Variants in SMC2 observed in about 807,000 individuals in gnomAD.
SMC2 encodes structural maintenance of chromosomes 2, also known as structural maintenance of chromosomes protein 2.
Under a neutral mutation model 142.6 loss-of-function variants are expected in SMC2, and 41 were observed. The observed-to-expected ratio is 0.29, with a 90% CI of 0.22 to 0.37. The LOEUF is 0.37. SMC2 is among the 10% of genes least tolerant of loss of function. SMC2 has a pLI of 1.00. For missense variants in SMC2, 1,265 were observed against 1,373.7 expected (o/e 0.92, Z 1.25); for synonymous variants, 463 against 457.5 (o/e 1.01, Z -0.15).
At chr9:104,136,734 T>G (rs2131574589) in intron 23 of SMC2, among the ~76,000 whole-genome samples, 1 of 151,938 alleles carries the variant, frequency 6.6e-6, no homozygotes, top group East Asian at 1.9e-4. Flanking sequence ...TGTGATTTGG[T>G]TTTGATGATA....
At chr9:104,102,347 A>T in intron 8 of SMC2, 77 bp from the exon 9 acceptor site, 2 of 1,363,364 alleles carry the variant, frequency 1.5e-6, no homozygotes, top group Non-Finnish European at 2.0e-6. Flanking sequence ...AAAGTGTTTG[A>T]TACAGAACTC....
Position 104,135,828 on chromosome 9 carries a change from A to T in SMC2, c.3269+1253A>T, listed in dbSNP as rs755789565. 3 of 518,704 alleles carry T rather than the reference A, an allele frequency of 5.8e-6. No homozygotes were observed. In the Admixed American group the frequency reaches 5.8e-5, roughly 10 times the overall value. The allele number at this position is 518,704 out of a possible 1,614,324, so 32.1% of individuals were successfully genotyped here. A position where few individuals can be genotyped will look rare whatever the true frequency, so the allele number is the denominator to read the frequency against. Reference sequence around the variant, plus strand: ...CAACTTAGAATTGTATATCTAACAGAAATATTCTTCAAATTGAAGGCAATA... The same window carrying T: ...CAACTTAGAATTGTATATCTAACAGTAATATTCTTCAAATTGAAGGCAATA... On this transcript the variant is annotated intron_variant, in intron 23 of 24. Transcript: ENST00000374793.
chr9:104,097,505 G>T (rs1484381358), intron 3 of SMC2, among the ~76,000 whole-genome samples: 3 of 103,110 alleles, frequency 2.9e-5, no homozygotes, highest in African/African-American at 3.9e-5. Flanking sequence ...GAAGCCTCTG[G>T]TTGAAAAAAA....
chr9:104,114,041 G>A lies in SMC2; in HGVS notation c.1492G>A (p.Ala498Thr), dbSNP rs780909705. The A allele has an allele frequency of 7.5e-6, 12 of 1,598,412 alleles. No individual in the cohort carries two copies. The East Asian group carries it at 2.5e-4, about 33-fold the overall frequency. ...DIGRLKETYE[A>T]LLARFPNLRF... is the part of the protein sequence containing the mutation. ...TGGTAGATTGAAAGAAACATATGAA[G>A]CTCTATTAGCCAGATTTCCCAATCT... The change falls in exon 12 of 25, where the codon GCT becomes ACT. Residue 498 changes from alanine to threonine, a missense_variant. By Grantham distance (58) the Ala-to-Thr change is moderately conservative. Coordinates refer to ENST00000374793, the MANE Select transcript of SMC2 (RefSeq NM_006444.3).
intron 9 of SMC2, among the ~76,000 whole-genome samples, chr9:104,110,000 C>T (rs1237278130): frequency 2.0e-5 from 3 of 152,146 alleles, no homozygotes; most frequent in African/African-American, 7.2e-5. Context: ...TTGTAGCCAC[C>T]TCCTGTTGCT....
At chr9:104,106,411 G>A (rs372745218) in intron 9 of SMC2, among the ~76,000 whole-genome samples, 15 of 151,778 alleles carry the variant, frequency 9.9e-5, no homozygotes, top group Admixed American at 2.0e-4. Context: ...TTTTTGAGAC[G>A]GAGTTTCACT....
chr9:104,114,115 A>G (rs968423820), intron 12 of SMC2, 34 bp downstream of exon 12: 16 of 1,232,518 alleles, frequency 1.3e-5, no homozygotes, highest in Non-Finnish European at 1.7e-5. Context: ...TTAACATAGT[A>G]ATAATCAAGA....
At chr9:104,126,423 T>A (rs1432650047) in intron 18 of SMC2, among the ~76,000 whole-genome samples, 1 of 152,088 alleles carries the variant, frequency 6.6e-6, no homozygotes, top group East Asian at 2.0e-4. Context: ...GCAGAGTTCT[T>A]TGAACCTATA....
At chr9:104,117,931 T>C (rs77531985) in intron 14 of SMC2, among the ~76,000 whole-genome samples, 8,642 of 152,256 alleles carry the variant, frequency 0.057, 658 homozygotes, top group African/African-American at 0.18. Flanking sequence ...TTCATAATGC[T>C]CCATACTAGC....
At position 104,134,003 on chromosome 9, in the gene SMC2, G is replaced by GT. The variant is rs548468494; in HGVS notation, c.3109-404dup. On this transcript the variant is annotated intron_variant, in intron 22 of 24. Coordinates refer to ENST00000374793, the MANE Select transcript of SMC2 (RefSeq NM_006444.3). Reference sequence around the variant, plus strand: ...TTTTTTGTTTGCTTCTCTATTTTGTGTTTTTTTTCCTCATGTGATACAATT... The same window carrying GT: ...TTTTTTGTTTGCTTCTCTATTTTGTGTTTTTTTTTCCTCATGTGATACAATT... Among the ~76,000 whole-genome samples, 51 of 151,702 alleles carry GT rather than the reference G, an allele frequency of 3.4e-4. 1 individual carries two copies. Among genetic ancestry groups the GT allele is most frequent in the East Asian group, 1.7e-3 (9 of 5,190 alleles).
Position 104,094,470 on chromosome 9 carries a change from A to G in SMC2, c.-69A>G, listed in dbSNP as rs1381164372. 6.7e-6 allele frequency: 2 copies of G among 297,820 alleles called. No homozygotes were observed. The highest frequency in any genetic ancestry group is 1.6e-4 in the East Asian group (2 of 12,404). The allele number at this position is 297,820 out of a possible 1,614,324, so 18.4% of individuals were successfully genotyped here. Reference sequence around the variant, plus strand: ...TGGGGTGCGTCAAGCCCCTGGCCTGAGGCAGCGGTGAGGCGTGTGCGTGAG... The same window carrying G: ...TGGGGTGCGTCAAGCCCCTGGCCTGGGGCAGCGGTGAGGCGTGTGCGTGAG... On this transcript the variant is annotated 5_prime_UTR_variant, in exon 1 of 25. Transcript: ENST00000374793.
At chr9:104,135,412 A>G (rs1172328586) in intron 23 of SMC2, among the ~76,000 whole-genome samples, 2 of 151,918 alleles carry the variant, frequency 1.3e-5, no homozygotes, top group Non-Finnish European at 2.9e-5. Flanking sequence ...TTCAAGCTAC[A>G]TTGAGAAATA....
chr9:104,131,911 G>T (rs551484201), intron 21 of SMC2, 98 bp from the exon 22 acceptor site: 2 of 656,510 alleles, frequency 3.0e-6, no homozygotes, highest in Admixed American at 2.6e-5. Flanking sequence ...TGTATGTATT[G>T]TATATAAAAA....
chr9:104,120,109 T>G lies in SMC2; in HGVS notation c.2079T>G (p.Asn693Lys). ...AGGATGAACTGAGAATCAAAGAGAATGAGCTGCGGGCTCTAGAAGAGGAAT... is the reference window on the plus strand; with the variant it reads ...AGGATGAACTGAGAATCAAAGAGAAGGAGCTGCGGGCTCTAGAAGAGGAAT... ...DVQDELRIKE[N>K]ELRALEEELA... The change falls in exon 16 of 25, where the codon AAT becomes AAG. Residue 693 changes from asparagine to lysine, a missense_variant. Asn to Lys is a moderately conservative substitution (Grantham distance 94). Around this residue, in one of 4 missense-constraint regions of SMC2, gnomAD observed 898 missense variants for 904.2 expected, o/e 0.99. Coordinates refer to ENST00000374793, the MANE Select transcript of SMC2 (RefSeq NM_006444.3). 1 of 1,613,978 alleles carries G rather than the reference T, an allele frequency of 6.2e-7. No homozygotes were observed. The highest frequency in any genetic ancestry group is 1.1e-5 in the South Asian group (1 of 91,078).
Position 104,118,339 on chromosome 9 carries a change from G to A in SMC2, c.1960G>A (p.Gly654Ser). 1 of 1,613,588 alleles carries A rather than the reference G, an allele frequency of 6.2e-7. No individual in the cohort carries two copies. Among genetic ancestry groups the A allele is most frequent in the South Asian group, 1.1e-5 (1 of 91,010 alleles). The change falls in exon 15 of 25, where the codon GGT becomes AGT. Residue 654 changes from glycine (G) to serine (S), a missense_variant. Physicochemically the swap from Gly to Ser is moderately conservative, Grantham distance 56 (BLOSUM62 0). This residue lies in a region of SMC2 where 898 missense variants were observed against 904.2 expected (regional missense o/e 0.99). Coordinates refer to ENST00000374793, the MANE Select transcript of SMC2 (RefSeq NM_006444.3). The part of the protein sequence containing the change: ...RIMTRTVTLG[G>S]DVFDPHGTLS... ...AATGACTAGAACTGTAACTCTCGGA[G>A]GTGATGTGTTTGATCCTCATGGGAC...
At chr9:104,133,091 G>A (rs1835161056) in intron 22 of SMC2, among the ~76,000 whole-genome samples, 1 of 152,114 alleles carries the variant, frequency 6.6e-6, no homozygotes, top group Non-Finnish European at 1.5e-5. Context: ...TTACTTGATT[G>A]ACAAAGTGAC....
chr9:104,131,740 T>A (rs898705094), intron 21 of SMC2, among the ~76,000 whole-genome samples: 1 of 151,794 alleles, frequency 6.6e-6, no homozygotes, highest in Admixed American at 6.6e-5. Context: ...TTATAAATTC[T>A]TAGTTCTAGT....
intron 14 of SMC2, among the ~76,000 whole-genome samples, chr9:104,117,169 T>G (rs1265131100): frequency 6.6e-6 from 1 of 152,184 alleles, no homozygotes; most frequent in East Asian, 1.9e-4. Flanking sequence ...GTTGGTACTT[T>G]CTTTACTTGA....
In SMC2 at chr9:104,114,032, A is replaced by G; in HGVS notation, c.1483A>G (p.Thr495Ala). ...TCGTGATATTGGTAGATTGAAAGAA[A>G]CATATGAAGCTCTATTAGCCAGATT... ...LSRDIGRLKE[T>A]YEALLARFPN... The change falls in exon 12 of 25, where the codon ACA becomes GCA. Residue 495 changes from threonine to alanine, a missense_variant. By Grantham distance (58) the Thr-to-Ala change is moderately conservative (BLOSUM62 0). This residue lies in a region of SMC2 where 898 missense variants were observed against 904.2 expected (regional missense o/e 0.99). Transcript: ENST00000374793. The G allele has an allele frequency of 6.2e-7, 1 of 1,601,926 alleles. No individual in the cohort carries two copies. The highest frequency in any genetic ancestry group is 8.5e-7 in the Non-Finnish European group (1 of 1,176,430).
Sources: allele counts gnomAD v4.1 joint callset (sites outside exome capture counted in the v4.1 genomes callset), GRCh38; gene constraint gnomAD v4.1.1; regional missense constraint gnomAD v4.1.1; transcripts MANE v1.5; gene names NCBI Gene and HGNC (gene_info 2026-07-23, HGNC 2026-07-21).